ZNF433: variants seen among roughly 807,000 people sequenced by gnomAD.
ZNF433 encodes the protein zinc finger protein 433.
Under a neutral mutation model 10.6 loss-of-function variants are expected in ZNF433, and 12 were observed. That is an observed-to-expected ratio of 1.13 (90% confidence interval 0.72 to 1.83). The LOEUF (loss-of-function observed/expected upper bound fraction) is 1.83, where lower values mean the gene tolerates loss of function less well. Ranked by LOEUF, ZNF433 falls within the 40% of genes most tolerant of loss-of-function variation. The probability of loss-of-function intolerance (pLI) is 0.00; values close to 1 mark genes in which losing one functional copy is unlikely to be tolerated. For missense variants in ZNF433, 737 were observed against 798.0 expected (o/e 0.92, Z 0.92); for synonymous variants, 272 against 271.3 (o/e 1.00, Z -0.02).
At chr19:12,020,679 G>A (rs2145426771) in intron 1 of ZNF433, among the ~76,000 whole-genome samples, 1 of 152,232 alleles carries the variant, frequency 6.6e-6, no homozygotes, top group South Asian at 2.1e-4. Context: ...CACTTTGGGA[G>A]GCAGAGGTGG....
Position 12,015,600 on chromosome 19 carries a change from C to A in ZNF433, c.1258G>T (p.Glu420Ter), listed in dbSNP as rs780895845. 1 of 1,613,662 alleles carries A rather than the reference C, an allele frequency of 6.2e-7. No individual in the cohort carries two copies. Among genetic ancestry groups the A allele is most frequent in the East Asian group, 2.2e-5 (1 of 44,818 alleles). Reference protein sequence around the residue: ...ERTHTGEKPYECKQCGKAFRS... With the variant: ...ERTHTGEKPY ...AAGGCTTTCCCACATTGCTTACACT[C>A]GTAAGGTTTCTCTCCAGTGTGAGTT... is the stretch of plus-strand genomic sequence containing the variant. Residue 420 changes from glutamate to a stop codon, truncating the protein, a stop_gained, in exon 4 of 4, where the codon GAG (glutamate) becomes TAG (stop). Transcript: ENST00000550507. LOFTEE classifies it low-confidence loss of function (END_TRUNC).
chr19:12,021,844 A>G (rs919812805), intron 1 of ZNF433: 3 of 412,002 alleles, frequency 7.3e-6, no homozygotes, highest in African/African-American at 6.1e-5. Flanking sequence ...CCTGAAGACC[A>G]CTCCCTGCTG....
Position 12,014,820 on chromosome 19 carries a change from C to T in ZNF433, c.*25G>A, listed in dbSNP as rs767797905. ...AACTCCTGGGCTTAAGCAGTCCCCCCACCTCAGCCTCCTAAAGCCTGGGGT... is the reference window on the plus strand; with the variant it reads ...AACTCCTGGGCTTAAGCAGTCCCCCTACCTCAGCCTCCTAAAGCCTGGGGT... On this transcript the variant is annotated 3_prime_UTR_variant, in exon 4 of 4. Coordinates refer to ENST00000550507, the MANE Select transcript of ZNF433 (RefSeq NM_001308348.2). 2 of 1,500,566 alleles carry T rather than the reference C, an allele frequency of 1.3e-6. No homozygotes were observed. Among genetic ancestry groups the T allele is most frequent in the African/African-American group, 1.4e-5 (1 of 71,598 alleles). 93.0% of individuals were successfully genotyped at this position (1,500,566 alleles called of 1,614,324 possible). A position where few individuals can be genotyped will look rare whatever the true frequency, so the allele number is the denominator to read the frequency against.
rs1021209275 is a variant in ZNF433, at chr19:12,022,944, A to G, written c.4-4652T>C. On this transcript the variant is annotated intron_variant, in intron 1 of 3. Coordinates refer to ENST00000550507, the MANE Select transcript of ZNF433 (RefSeq NM_001308348.2). ...ACCTTGAGCAATGGCTCTCAGTTCTATTCAGGCAGGAATTCACCAAGCTAC... is the reference window on the plus strand; with the variant it reads ...ACCTTGAGCAATGGCTCTCAGTTCTGTTCAGGCAGGAATTCACCAAGCTAC... Among the ~76,000 whole-genome samples the G allele has an allele frequency of 3.3e-5, 5 of 152,218 alleles. No homozygotes were observed. The East Asian group carries it at 9.6e-4, about 29-fold the overall frequency.
chr19:12,022,132 G>A (rs962465514), intron 1 of ZNF433: 31 of 422,664 alleles, frequency 7.3e-5, no homozygotes, highest in East Asian at 3.7e-4. Context: ...TTGGTTTACC[G>A]GAATGAAGGC....
Position 12,016,494 on chromosome 19 carries a change from C to G in ZNF433, c.364G>C (p.Asp122His). 3 of 1,614,142 alleles carry G rather than the reference C, an allele frequency of 1.9e-6. No individual in the cohort carries two copies. The highest frequency in any genetic ancestry group is 1.6e-4 in the Middle Eastern group (1 of 6,062). Reference sequence around the variant, plus strand: ...TCATATGCCTTGTGTCCAGTGTCATCTCTGATGTGCCTATTAAGAGATGAA... The same window carrying G: ...TCATATGCCTTGTGTCCAGTGTCATGTCTGATGTGCCTATTAAGAGATGAA... ...AHSSLNRHIR[D>H]DTGHKAYEYQ... Residue 122 changes from aspartate (D) to histidine (H), a missense_variant, in exon 4 of 4, where the codon GAT becomes CAT. Asp to His is a moderately conservative substitution (Grantham distance 81). Transcript: ENST00000550507.
Position 12,016,669 on chromosome 19 carries a change from G to C in ZNF433, c.192-3C>G. 6.2e-7 allele frequency: 1 copy of C among 1,612,258 alleles called. No individual in the cohort carries two copies. The highest frequency in any genetic ancestry group is 8.5e-7 in the Non-Finnish European group (1 of 1,179,414). ...CAAAGAGTCTCTCTCCCACAATTCT[G>C]TGAACAATAAGAAGTACATTATAAT... On this transcript the variant is annotated splice_polypyrimidine_tract_variant and splice_region_variant and intron_variant, in intron 3 of 3. Transcript: ENST00000550507.
chr19:12,034,985 C>A, intron 1 of ZNF433: 1 of 418,990 alleles, frequency 2.4e-6, no homozygotes, highest in South Asian at 1.7e-5. Context: ...GAATAAACTT[C>A]TTTAAGTTAT....
At chr19:12,017,370 T>C (rs939413406) in intron 3 of ZNF433, among the ~76,000 whole-genome samples, 1 of 151,536 alleles carries the variant, frequency 6.6e-6, no homozygotes, top group Non-Finnish European at 1.5e-5. Flanking sequence ...GCCTGGCTAA[T>C]TTTTATATTT....
At chr19:12,017,056 T>G (rs1056520071) in intron 3 of ZNF433, among the ~76,000 whole-genome samples, 4 of 152,104 alleles carry the variant, frequency 2.6e-5, no homozygotes, top group Non-Finnish European at 5.9e-5. Context: ...CTTCCATTTT[T>G]AACATCATCC....
Position 12,035,653 on chromosome 19 carries a change from G to A in ZNF433, c.-114C>T. The A allele has an allele frequency of 7.0e-7, 1 of 1,428,648 alleles. No homozygotes were observed. The highest frequency in any genetic ancestry group is 9.5e-7 in the Non-Finnish European group (1 of 1,053,478). The allele number at this position is 1,428,648 out of a possible 1,614,324, so 88.5% of individuals were successfully genotyped here. On this transcript the variant is annotated 5_prime_UTR_variant, in exon 1 of 4. Coordinates refer to ENST00000550507, the MANE Select transcript of ZNF433 (RefSeq NM_001308348.2). ...GGGGAAAGCCAGGCTCCCAACCTCA[G>A]CTCGCCGCCTGGAGCCGGGAACCGA... is the stretch of plus-strand genomic sequence containing the variant.
In ZNF433 at chr19:12,015,340, C is replaced by T. The variant is rs1599346763; in HGVS notation, c.1518G>A (p.Lys506=). Residue 506 remains lysine (K), a synonymous_variant, in exon 4 of 4, where the codon AAG becomes AAA. Transcript: ENST00000550507. ...THTGGKTYEC[K]QCGRSFNCSS... ...AACAGTTGAAGGATCTGCCACACTGCTTGCATTCATAGGTTTTTCCTCCAG... is the reference window on the plus strand; with the variant it reads ...AACAGTTGAAGGATCTGCCACACTGTTTGCATTCATAGGTTTTTCCTCCAG... 2 of 1,613,802 alleles carry T rather than the reference C, an allele frequency of 1.2e-6. No individual in the cohort carries two copies. Among genetic ancestry groups the T allele is most frequent in the East Asian group, 2.2e-5 (1 of 44,852 alleles).
Position 12,021,904 on chromosome 19 carries a change from A to T in ZNF433, c.4-3612T>A, listed in dbSNP as rs1291217715. 6.6e-6 allele frequency: 3 copies of T among 454,158 alleles called. No individual in the cohort carries two copies. The Admixed American group carries it at 7.1e-5, about 11-fold the overall frequency. 28.1% of individuals were successfully genotyped at this position (454,158 alleles called of 1,614,324 possible). On this transcript the variant is annotated intron_variant, in intron 1 of 3. Transcript: ENST00000550507. ...GGGGACTGTGGGTGCACTATTTCCCAGACAGGGTACTAGGGTAGAGCTTAC... is the reference window on the plus strand; with the variant it reads ...GGGGACTGTGGGTGCACTATTTCCCTGACAGGGTACTAGGGTAGAGCTTAC...
chr19:12,030,217 TA>T (rs1486116587), intron 1 of ZNF433: 8 of 417,496 alleles, frequency 1.9e-5, no homozygotes, highest in African/African-American at 9.7e-5. Flanking sequence ...AAGAAATGTT[TA>T]TTTTTTTATT....
chr19:12,029,809 C>T (rs557032203), intron 1 of ZNF433, among the ~76,000 whole-genome samples: 9 of 151,452 alleles, frequency 5.9e-5, no homozygotes, highest in East Asian at 2.0e-4. Flanking sequence ...TGGCCGGGCG[C>T]GGTGGCTCAC....
chr19:12,023,522 G>A (rs1974596227), intron 1 of ZNF433: 1 of 152,168 alleles, frequency 6.6e-6, no homozygotes, highest in Admixed American at 6.6e-5. Context: ...GCAGCTTACT[G>A]GGTGAATCAA....
intron 3 of ZNF433, among the ~76,000 whole-genome samples, chr19:12,016,948 G>A (rs1974237762): frequency 6.6e-6 from 1 of 152,038 alleles, no homozygotes; most frequent in African/African-American, 2.4e-5. Context: ...CACCATGTTG[G>A]CCAGACTGGT....
In ZNF433 at chr19:12,018,301, T is replaced by A; in HGVS notation, c.4-9A>T. The stretch of plus-strand genomic sequence containing the variant: ...TCAAAGGCCACTGAATCCTGAAACA[T>A]CTCACATGTATAGAGGAGGATGGAT... On this transcript the variant is annotated splice_polypyrimidine_tract_variant and intron_variant, in intron 1 of 3. Coordinates refer to ENST00000550507, the MANE Select transcript of ZNF433 (RefSeq NM_001308348.2). The A allele has an allele frequency of 6.2e-7, 1 of 1,612,952 alleles. No individual in the cohort carries two copies. The highest frequency in any genetic ancestry group is 8.5e-7 in the Non-Finnish European group (1 of 1,179,576).
rs181170995 is a variant in ZNF433 at position 12,015,782 on chromosome 19, C to T, written c.1076G>A (p.Gly359Glu). The change falls in exon 4 of 4, where the codon GGA becomes GAA. Residue 359 changes from glycine (G) to glutamate (E), a missense_variant. Gly to Glu is a moderately conservative substitution (Grantham distance 98). Transcript: ENST00000550507. ...SFQNHLGMHT[G>E]EISHKCKICG... ...TATCTTACATTTATGAGATATCTCT[C>T]CAGTGTGCATTCCCAAGTGGTTTTG... The T allele has an allele frequency of 3.1e-6, 5 of 1,614,110 alleles. No homozygotes were observed. In the Admixed American group the frequency reaches 8.3e-5, roughly 27 times the overall value.
Sources: gnomAD v4.1 joint callset for allele counts (sites outside exome capture counted in the v4.1 genomes callset) on GRCh38, gnomAD v4.1.1 for gene constraint, MANE v1.5 for transcripts, NCBI Gene and HGNC (gene_info 2026-07-23, HGNC 2026-07-21) for gene names.